Variants in IGF2R observed in about 807,000 individuals in gnomAD.
IGF2R encodes the protein cation-independent mannose-6-phosphate receptor.
A neutral mutation model predicts 270.6 loss-of-function variants in IGF2R; 91 were observed. The observed-to-expected ratio is 0.34, with a 90% CI of 0.28 to 0.40. The LOEUF is 0.40. Among genes scored for constraint, IGF2R ranks in the 10% least tolerant of loss-of-function variants. The probability of loss-of-function intolerance (pLI) is 1.00; values close to 1 mark genes in which losing one functional copy is unlikely to be tolerated. For synonymous variants in IGF2R, 1,316 were observed against 1,258.9 expected, an observed-to-expected ratio of 1.05 and a Z score of -0.96; for missense variants, 2,805 against 3,188.3, an observed-to-expected ratio of 0.88 and a Z score of 2.90.
chr6:160,073,591 C>A, intron 34 of IGF2R, 122 bp downstream of exon 34: 1 of 1,234,536 alleles, frequency 8.1e-7, no homozygotes, highest in Non-Finnish European at 1.1e-6. Flanking sequence ...CCTGATCACC[C>A]CAATAATAAA....
intron 11 of IGF2R, among the ~76,000 whole-genome samples, chr6:160,042,472 C>T (rs1436514797): frequency 6.6e-6 from 1 of 152,208 alleles, no homozygotes; most frequent in Non-Finnish European, 1.5e-5. Flanking sequence ...CCTTCAGCGA[C>T]TGTTCGCCGT....
intron 45 of IGF2R, among the ~76,000 whole-genome samples, chr6:160,096,840 C>G (rs772593361): frequency 6.6e-6 from 1 of 152,156 alleles, no homozygotes; most frequent in Non-Finnish European, 1.5e-5. Flanking sequence ...GCTGCGTCAC[C>G]TCCCACCACC....
At chr6:159,980,835 G>A (rs991391577) in intron 1 of IGF2R, among the ~76,000 whole-genome samples, 5 of 152,202 alleles carry the variant, frequency 3.3e-5, no homozygotes, top group South Asian at 2.1e-4. Flanking sequence ...CCTTAAAGGC[G>A]GTTGGCCTCA....
rs1459367577 is a variant in IGF2R, at chr6:160,088,157, C to T, written c.6320+10C>T. On this transcript the variant is annotated intron_variant, in intron 42 of 47. Coordinates refer to ENST00000356956, the MANE Select transcript of IGF2R (RefSeq NM_000876.4). ...GACCTGCATTCAAGAGGTCAGGAGACTGGGGGCTCAGAGCGGGACTGTGCA... is the reference window on the plus strand; with the variant it reads ...GACCTGCATTCAAGAGGTCAGGAGATTGGGGGCTCAGAGCGGGACTGTGCA... The T allele has an allele frequency of 1.3e-6, 2 of 1,506,304 alleles. No individual in the cohort carries two copies. The highest frequency in any genetic ancestry group is 9.2e-7 in the Non-Finnish European group (1 of 1,081,864). The allele number at this position is 1,506,304 out of a possible 1,614,324, so 93.3% of individuals were successfully genotyped here. A position where few individuals can be genotyped will look rare whatever the true frequency, so the allele number is the denominator to read the frequency against.
At chr6:160,038,011 G>GA (rs1777864360) in intron 10 of IGF2R, among the ~76,000 whole-genome samples, 1 of 152,168 alleles carries the variant, frequency 6.6e-6, no homozygotes, top group African/African-American at 2.4e-5. Context: ...GTGTCTAGAG[G>GA]AAAAATTAAA....
At chr6:160,012,760 TA>T (rs1485043020) in intron 4 of IGF2R, among the ~76,000 whole-genome samples, 8 of 71,784 alleles carry the variant, frequency 1.1e-4, no homozygotes, top group Admixed American at 3.7e-4. Context: ...TATATATATA[TA>T]TATTTTTTTT....
Position 159,980,216 on chromosome 6 carries a change from A to AAGAAAGGAAGAAAGGAAGAAAGGAAGG in IGF2R, c.149+10822_149+10823insGAAAGGAAGAAAGGAAGAAAGGAAGGA, listed in dbSNP as rs1562330567. On this transcript the variant is annotated intron_variant, in intron 1 of 47. Transcript: ENST00000356956. ...GAAAGAAAGAAAGAAAGAAAGAAAG[A>AAGAAAGGAAGAAAGGAAGAAAGGAAGG]AAGAAAGAAAGAAAGAAAGAAAGGT... Among the ~76,000 whole-genome samples, 21 of 126,282 alleles carry AAGAAAGGAAGAAAGGAAGAAAGGAAGG rather than the reference A, an allele frequency of 1.7e-4. 3 individuals are homozygous for AAGAAAGGAAGAAAGGAAGAAAGGAAGG. The highest frequency in any genetic ancestry group is 1.5e-3 in the South Asian group (6 of 3,884). 82.8% of individuals were successfully genotyped at this position (126,282 alleles called of 152,430 possible).
chr6:160,028,509 CAT>C (rs750326139), intron 6 of IGF2R, among the ~76,000 whole-genome samples: 6 of 152,228 alleles, frequency 3.9e-5, no homozygotes, highest in East Asian at 1.9e-4. Flanking sequence ...GATTTAGTAA[CAT>C]GTGGGACACT....
In IGF2R at chr6:160,084,976, C is replaced by A. The variant is rs757354577; in HGVS notation, c.6069-19C>A. 6.2e-7 allele frequency: 1 copy of A among 1,605,148 alleles called. No individual in the cohort carries two copies. Among genetic ancestry groups the A allele is most frequent in the East Asian group, 2.2e-5 (1 of 44,662 alleles). ...GTCACTTGCATGCCTTTTACCTGCC[C>A]CTTTGTGTCGTTTTCTAGGTACTAT... On this transcript the variant is annotated intron_variant, in intron 40 of 47. Transcript: ENST00000356956. The surrounding 1 kb of genome is among the most constrained non-coding windows in gnomAD (Gnocchi z 4.6).
At chr6:160,045,635 A>T (rs746010720) in intron 13 of IGF2R, 110 bp from the exon 14 acceptor site, 3 of 1,336,846 alleles carry the variant, frequency 2.2e-6, no homozygotes, top group Non-Finnish European at 3.2e-6. Context: ...TATGCATTAT[A>T]CCTCATTTCC....
Position 160,070,943 on chromosome 6 carries a change from C to T in IGF2R, c.4443+885C>T, listed in dbSNP as rs751868147. ...AGCTGCTGGGGCCTCTGAGCATTCT[C>T]CTCTGTGACCTGAGAGGCTCATGGC... On this transcript the variant is annotated intron_variant, in intron 31 of 47. Transcript: ENST00000356956. 1.3e-3 allele frequency among the ~76,000 whole-genome samples: 191 copies of T among 152,278 alleles called. 3 individuals are homozygous for T. Among genetic ancestry groups the T allele is most frequent in the Middle Eastern group, 0.01 (3 of 294 alleles).
intron 10 of IGF2R, among the ~76,000 whole-genome samples, chr6:160,037,208 C>T (rs548643795): frequency 2.0e-5 from 3 of 152,282 alleles, no homozygotes; most frequent in Non-Finnish European, 4.4e-5. Flanking sequence ...TTTTCCTAGG[C>T]TGTTTTCATT....
chr6:159,969,664 G>C (rs1783578237), intron 1 of IGF2R, among the ~76,000 whole-genome samples: 1 of 152,146 alleles, frequency 6.6e-6, no homozygotes, highest in South Asian at 2.1e-4. Context: ...GCTGAGTCGG[G>C]GGTGGCTTTG....
intron 19 of IGF2R, among the ~76,000 whole-genome samples, chr6:160,053,979 A>G (rs1439910737): frequency 6.6e-6 from 1 of 152,156 alleles, no homozygotes; most frequent in Non-Finnish European, 1.5e-5. Flanking sequence ...TCAGCTTCCT[A>G]AAGTGCTGGG....
intron 2 of IGF2R, among the ~76,000 whole-genome samples, chr6:159,994,766 G>T (rs906534394): frequency 6.6e-6 from 1 of 152,054 alleles, no homozygotes; most frequent in Non-Finnish European, 1.5e-5. Context: ...TTCTCCTCTT[G>T]GAATTGATTT....
intron 5 of IGF2R, among the ~76,000 whole-genome samples, chr6:160,026,219 T>C (rs1462885804): frequency 6.6e-6 from 1 of 152,224 alleles, no homozygotes; most frequent in East Asian, 1.9e-4. Context: ...GCAGATACTA[T>C]AGGTGGAACA....
chr6:160,101,539 C>A (rs917749774), intron 45 of IGF2R, among the ~76,000 whole-genome samples: 1 of 152,248 alleles, frequency 6.6e-6, no homozygotes, highest in Non-Finnish European at 1.5e-5. Context: ...GCGGCTGGGC[C>A]GCGGGTTGGC....
intron 45 of IGF2R, among the ~76,000 whole-genome samples, chr6:160,100,137 G>A (rs1185002363): frequency 6.6e-6 from 1 of 152,076 alleles, no homozygotes; most frequent in African/African-American, 2.4e-5. Context: ...GCCCAGTATG[G>A]TAGAAATAAA....
At chr6:160,018,912 A>T (rs149203624) in intron 4 of IGF2R, among the ~76,000 whole-genome samples, 260 of 152,296 alleles carry the variant, frequency 1.7e-3, no homozygotes, top group Middle Eastern at 6.8e-3. Context: ...GAACTAGAAA[A>T]AAAAGAAAAA....
Sources: gnomAD v4.1 joint callset for allele counts (sites outside exome capture counted in the v4.1 genomes callset) on GRCh38, gnomAD v4.1.1 for gene constraint, Gnocchi (gnomAD v3.1) non-coding constraint, MANE v1.5 for transcripts, NCBI Gene and HGNC (gene_info 2026-07-23, HGNC 2026-07-21) for gene names.